ACACA: variants seen among roughly 807,000 people sequenced by gnomAD.
ACACA encodes acetyl-CoA carboxylase alpha.
ACACA carries 103 observed loss-of-function variants against 296.1 expected under a neutral mutation model. That is an observed-to-expected ratio of 0.35 (90% CI 0.30 to 0.41). ACACA has a LOEUF of 0.41. Among genes scored for constraint, ACACA ranks in the 10% least tolerant of loss-of-function variants. ACACA has a pLI of 1.00. For synonymous variants in ACACA, 953 were observed against 1,038.6 expected, an observed-to-expected ratio of 0.92 and a Z score of 1.58; for missense variants, 1,554 against 2,989.7, an observed-to-expected ratio of 0.52 and a Z score of 11.20.
chr17:37,276,087 C>T (rs1415258015), intron 7 of ACACA, 38 bp from the exon 8 acceptor site: 2 of 1,497,400 alleles, frequency 1.3e-6, no homozygotes, highest in African/African-American at 2.8e-5. Context: ...GACTGTAACA[C>T]CTTGGCCTCA....
At position 37,153,693 on chromosome 17, in the gene ACACA, G is replaced by T. The variant is rs529118263; in HGVS notation, c.5447+1990C>A. On this transcript the variant is annotated intron_variant, in intron 43 of 55. Coordinates refer to ENST00000616317, the MANE Select transcript of ACACA (RefSeq NM_198834.3). ...CAAATGATTATTAAGTTCTTAGGAC[G>T]CAAATACTTATTGTTTAACTACCTA... Among the ~76,000 whole-genome samples the T allele has an allele frequency of 1.6e-3, 240 of 152,070 alleles. 2 individuals carry two copies. Among genetic ancestry groups the T allele is most frequent in the African/African-American group, 5.6e-3 (232 of 41,468 alleles).
At chr17:37,201,195 T>G (rs1036125801) in intron 33 of ACACA, among the ~76,000 whole-genome samples, 3 of 152,140 alleles carry the variant, frequency 2.0e-5, no homozygotes, top group Non-Finnish European at 2.9e-5. Context: ...TCCCAACACT[T>G]TGTGGGGCCA....
At position 37,244,007 on chromosome 17, in the gene ACACA, C is replaced by A. The variant is rs549303712; in HGVS notation, c.2743-448G>T. Among the ~76,000 whole-genome samples the A allele has an allele frequency of 2.6e-5, 4 of 152,292 alleles. No individual in the cohort carries two copies. In the South Asian group the frequency reaches 8.3e-4, roughly 32 times the overall value. Reference sequence around the variant, plus strand: ...GAGATTACAGGCGTGAGCCAACTATCATAGAGTACTTTGAAATTGCAACGT... The same window carrying A: ...GAGATTACAGGCGTGAGCCAACTATAATAGAGTACTTTGAAATTGCAACGT... On this transcript the variant is annotated intron_variant, in intron 21 of 55. Coordinates refer to ENST00000616317, the MANE Select transcript of ACACA (RefSeq NM_198834.3).
At chr17:37,279,131 A>G (rs1342361721) in intron 5 of ACACA, among the ~76,000 whole-genome samples, 2 of 152,196 alleles carry the variant, frequency 1.3e-5, no homozygotes, top group African/African-American at 2.4e-5. Flanking sequence ...ATGAGATATC[A>G]TCTCATGCCA....
chr17:37,400,728 TTGTGTGTGTGTC>T (rs1440134512), intron 1 of ACACA, among the ~76,000 whole-genome samples: 7 of 146,046 alleles, frequency 4.8e-5, no homozygotes, highest in South Asian at 2.1e-4. Flanking sequence ...CAGTATTCCA[TTGTGTGTGTGTC>T]TGTGTGTGTG....
At position 37,221,803 on chromosome 17, in the gene ACACA, T is replaced by C. The variant is rs1419236798; in HGVS notation, c.3604A>G (p.Ser1202Gly). 6.2e-7 allele frequency: 1 copy of C among 1,614,198 alleles called. No individual in the cohort carries two copies. Among genetic ancestry groups the C allele is most frequent in the Admixed American group, 1.7e-5 (1 of 60,028 alleles). Residue 1202 changes from serine (S) to glycine (G), a missense_variant, in exon 29 of 56, where the codon AGC becomes GGC. Transcript: ENST00000616317. The part of the protein sequence containing the change: ...RRAYIAYELN[S>G]VQHRQLKDNT... ...TCCTTAAGCTGGCGGTGTTGTACGCTGTTAAGTTCATAGGCAATATAAGCC... is the reference window on the plus strand; with the variant it reads ...TCCTTAAGCTGGCGGTGTTGTACGCCGTTAAGTTCATAGGCAATATAAGCC...
chr17:37,405,824 T>C (rs1398353756), intron 1 of ACACA, among the ~76,000 whole-genome samples: 1 of 150,088 alleles, frequency 6.7e-6, no homozygotes, highest in Admixed American at 6.8e-5. Flanking sequence ...AGTGCTGGAA[T>C]TACAGGCGTG....
At chr17:37,352,569 A>G (rs1487054258) in intron 1 of ACACA, among the ~76,000 whole-genome samples, 1 of 151,880 alleles carries the variant, frequency 6.6e-6, no homozygotes, top group Non-Finnish European at 1.5e-5. Context: ...GAAAAAAAAA[A>G]ATAGCCAGGT....
chr17:37,151,407 T>C lies in ACACA; in HGVS notation c.5462A>G (p.Asp1821Gly), dbSNP rs1567727259. The C allele has an allele frequency of 2.5e-6, 4 of 1,613,862 alleles. No individual in the cohort carries two copies. Among genetic ancestry groups the C allele is most frequent in the Non-Finnish European group, 3.4e-6 (4 of 1,179,906 alleles). ...AATTCCCTCTTCTTTCCCAATAATATCTGTTATCTTGTACCTATTGGATAT... is the reference window on the plus strand; with the variant it reads ...AATTCCCTCTTCTTTCCCAATAATACCTGTTATCTTGTACCTATTGGATAT... ...DEGESRYKITDIIGKEEGIGP... is the reference protein window; with the variant it reads ...DEGESRYKITGIIGKEEGIGP... The change falls in exon 44 of 56, where the codon GAT becomes GGT. Residue 1821 changes from aspartate to glycine, a missense_variant. Coordinates refer to ENST00000616317, the MANE Select transcript of ACACA (RefSeq NM_198834.3).
intron 25 of ACACA, 78 bp from the exon 26 acceptor site, chr17:37,226,530 G>T: frequency 1.6e-6 from 2 of 1,279,352 alleles, no homozygotes; most frequent in Non-Finnish European, 2.3e-6. Flanking sequence ...ATAGAGAAAA[G>T]GAATGAAAAC....
intron 3 of ACACA, among the ~76,000 whole-genome samples, chr17:37,320,932 G>A (rs2047327160): frequency 6.6e-6 from 1 of 150,946 alleles, no homozygotes; most frequent in Non-Finnish European, 1.5e-5. Flanking sequence ...GGGCAACAGA[G>A]TGAGACTCCA....
At chr17:37,174,767 A>AT (rs1438680692) in intron 41 of ACACA, among the ~76,000 whole-genome samples, 1 of 151,638 alleles carries the variant, frequency 6.6e-6, no homozygotes, top group African/African-American at 2.4e-5. Flanking sequence ...TCTTGACCTC[A>AT]TGATCTGCCC....
chr17:37,299,456 C>T (rs181327220), intron 3 of ACACA: 1 of 1,574,478 alleles, frequency 6.4e-7, no homozygotes, highest in African/African-American at 1.4e-5. Flanking sequence ...GTGCCTTCTG[C>T]CTGGCTTCAG....
At chr17:37,326,984 T>TGA (rs1023997950) in intron 3 of ACACA, among the ~76,000 whole-genome samples, 2 of 152,114 alleles carry the variant, frequency 1.3e-5, no homozygotes, top group Admixed American at 1.3e-4. Context: ...CACCTAAACT[T>TGA]GAGAGAGAGA....
intron 51 of ACACA, 24 bp from the exon 52 acceptor site, chr17:37,111,667 C>A: frequency 6.4e-7 from 1 of 1,573,564 alleles, no homozygotes; most frequent in African/African-American, 1.3e-5. Context: ...AAAGAAAAAA[C>A]AAAACAGAAA....
intron 3 of ACACA, chr17:37,328,954 A>T (rs987447282): frequency 2.5e-6 from 1 of 398,658 alleles, no homozygotes; most frequent in African/African-American, 2.1e-5. Context: ...GTGAGAACCA[A>T]GAACCACTGA....
intron 29 of ACACA, among the ~76,000 whole-genome samples, chr17:37,211,525 G>C (rs937770848): frequency 1.3e-5 from 2 of 152,198 alleles, no homozygotes; most frequent in African/African-American, 4.8e-5. Flanking sequence ...TAAGGGGGCT[G>C]ATCGGTTGAT....
At chr17:37,278,044 T>G (rs1272545996) in intron 5 of ACACA, 39 bp from the exon 6 acceptor site, 3 of 1,505,018 alleles carry the variant, frequency 2.0e-6, no homozygotes, top group Non-Finnish European at 2.8e-6. Context: ...CACATGATTT[T>G]TTTTTCCAGA....
intron 1 of ACACA, among the ~76,000 whole-genome samples, chr17:37,402,768 G>T (rs1230156619): frequency 2.6e-5 from 4 of 152,018 alleles, no homozygotes; most frequent in Non-Finnish European, 5.9e-5. Context: ...CACCTCCCAG[G>T]TTCACGCCAT....
Sources: allele counts gnomAD v4.1 joint callset (sites outside exome capture counted in the v4.1 genomes callset), GRCh38; gene constraint gnomAD v4.1.1; transcripts MANE v1.5; gene names NCBI Gene and HGNC (gene_info 2026-07-23, HGNC 2026-07-21).